The following ZNF107 variants were observed in gnomAD, a reference collection of about 807,000 sequenced individuals.
ZNF107 encodes the protein C2H2 type zinc-finger protein.
A neutral mutation model predicts 12.3 loss-of-function variants in ZNF107; 19 were observed. The observed-to-expected ratio is 1.55, with a 90% confidence interval of 1.08 to 2.27. The LOEUF (loss-of-function observed/expected upper bound fraction) is 2.27. Ranked by LOEUF, ZNF107 falls within the 30% of genes most tolerant of loss-of-function variation. ZNF107 has a pLI of 0.00. For synonymous variants in ZNF107, 317 were observed against 330.5 expected (o/e 0.96, Z 0.44); for missense variants, 958 against 979.9 (o/e 0.98, Z 0.30).
In ZNF107 at chr7:64,711,025, A is replaced by C. The variant is rs922132028; in HGVS notation, c.*2369A>C. On this transcript the variant is annotated 3_prime_UTR_variant, in exon 4 of 4. Coordinates refer to ENST00000620827, the MANE Select transcript of ZNF107 (RefSeq NM_001282359.2). ...TGTAATAAAATGCAATGTGTTTAAAAATTTTTGGATTATGCGTGAACTTAG... is the reference window on the plus strand; with the variant it reads ...TGTAATAAAATGCAATGTGTTTAAACATTTTTGGATTATGCGTGAACTTAG... 3 of 152,136 alleles carry C rather than the reference A, an allele frequency of 2.0e-5. No individual in the cohort carries two copies. The highest frequency in any genetic ancestry group is 2.9e-5 in the Non-Finnish European group (2 of 67,968). 9.4% of individuals were successfully genotyped at this position (152,136 alleles called of 1,614,324 possible).
chr7:64,675,696 A>G (rs1343734551), intron 1 of ZNF107, among the ~76,000 whole-genome samples: 4 of 152,076 alleles, frequency 2.6e-5, no homozygotes, highest in African/African-American at 9.7e-5. Flanking sequence ...TAGTTTGTTA[A>G]ATTGAGATCT....
At chr7:64,679,960 T>A (rs1317994823) in intron 1 of ZNF107, among the ~76,000 whole-genome samples, 1 of 152,130 alleles carries the variant, frequency 6.6e-6, no homozygotes, top group African/African-American at 2.4e-5. Flanking sequence ...TACCACCCTC[T>A]GGCGACAGCG....
Position 64,682,204 on chromosome 7 carries a change from C to T in ZNF107, c.4-9044C>T, listed in dbSNP as rs763553258. 2.9e-4 allele frequency among the ~76,000 whole-genome samples: 44 copies of T among 151,842 alleles called. 1 individual carries two copies. The highest frequency in any genetic ancestry group is 2.7e-3 in the Admixed American group (41 of 15,230). On this transcript the variant is annotated intron_variant, in intron 1 of 3. Coordinates refer to ENST00000620827, the MANE Select transcript of ZNF107 (RefSeq NM_001282359.2). The stretch of plus-strand genomic sequence containing the variant: ...TAGACTCTAAAGGGTACCGAATGTC[C>T]CCTTCTAAAGCTCAAATTTCTTCCC...
In ZNF107 at chr7:64,708,831, T is replaced by C; in HGVS notation, c.*175T>C. 1.4e-6 allele frequency: 1 copy of C among 704,680 alleles called. No individual in the cohort carries two copies. Among genetic ancestry groups the C allele is most frequent in the Non-Finnish European group, 2.3e-6 (1 of 430,708 alleles). The allele number at this position is 704,680 out of a possible 1,614,324, so 43.7% of individuals were successfully genotyped here. A position where few individuals can be genotyped will look rare whatever the true frequency, so the allele number is the denominator to read the frequency against. On this transcript the variant is annotated 3_prime_UTR_variant, in exon 4 of 4. Transcript: ENST00000620827. ...ATGTGGCACAGCTTTTAACTAATCT[T>C]CAAACCTTACTGAAAGTTGAGAAAA...
At chr7:64,684,191 C>T (rs1008152322) in intron 1 of ZNF107, among the ~76,000 whole-genome samples, 3 of 152,166 alleles carry the variant, frequency 2.0e-5, no homozygotes, top group Non-Finnish European at 2.9e-5. Context: ...GAGCCACCGC[C>T]CATGAACCTA....
chr7:64,673,368 C>T (rs1789306123), intron 1 of ZNF107, among the ~76,000 whole-genome samples: 1 of 152,176 alleles, frequency 6.6e-6, no homozygotes. Flanking sequence ...TACTTTTTAG[C>T]CACATGTATG....
intron 1 of ZNF107, among the ~76,000 whole-genome samples, chr7:64,668,831 AT>A (rs1025812952): frequency 5.9e-5 from 9 of 152,052 alleles, no homozygotes; most frequent in Non-Finnish European, 1.3e-4. Context: ...CCTCTCTTCC[AT>A]TTTGACTGTA....
At chr7:64,698,300 G>A (rs942054207) in intron 3 of ZNF107, among the ~76,000 whole-genome samples, 11 of 151,896 alleles carry the variant, frequency 7.2e-5, no homozygotes, top group South Asian at 2.1e-4. Flanking sequence ...TTGTATATTT[G>A]TAATATTAAC....
Position 64,708,242 on chromosome 7 carries a change from CTG to C in ZNF107, c.2146_2147del (p.Cys716LeufsTer5). ...QCAECGKAFN[C>X]SSTLNRHKII... ...GTGCAGAATGTGGCAAAGCCTTTAA[CTG>C]CTCCTCAACCCTTAATAGACATAAG... is the stretch of plus-strand genomic sequence containing the variant. On this transcript the variant is annotated frameshift_variant, in exon 4 of 4. Coordinates refer to ENST00000620827, the MANE Select transcript of ZNF107 (RefSeq NM_001282359.2). LOFTEE classifies it low-confidence loss of function (END_TRUNC). 1 of 1,613,570 alleles carries C rather than the reference CTG, an allele frequency of 6.2e-7. No homozygotes were observed. The highest frequency in any genetic ancestry group is 8.5e-7 in the Non-Finnish European group (1 of 1,179,756).
At position 64,707,415 on chromosome 7, in the gene ZNF107, C is replaced by T. The variant is rs770912619; in HGVS notation, c.1318C>T (p.Leu440Phe). ...CGKAFNQSSN[L>F]TEHKKIHTAE... is the part of the protein sequence containing the mutation. ...CAAAGCTTTTAACCAATCTTCAAAC[C>T]TTACTGAACATAAGAAAATTCATAC... is the stretch of plus-strand genomic sequence containing the variant. The change falls in exon 4 of 4, where the codon CTT becomes TTT. Residue 440 changes from leucine (L) to phenylalanine (F), a missense_variant. By Grantham distance (22) the Leu-to-Phe change is conservative (BLOSUM62 0). Transcript: ENST00000620827. 1.9e-6 allele frequency: 3 copies of T among 1,613,232 alleles called. No homozygotes were observed. In the Admixed American group the frequency reaches 5.0e-5, roughly 27 times the overall value.
At chr7:64,679,583 T>C (rs1789569726) in intron 1 of ZNF107, among the ~76,000 whole-genome samples, 1 of 152,154 alleles carries the variant, frequency 6.6e-6, no homozygotes, top group Admixed American at 6.5e-5. Context: ...GTCTCTCTGT[T>C]TCTTCAGTCC....
chr7:64,696,418 G>T (rs1203159922), intron 3 of ZNF107, among the ~76,000 whole-genome samples: 1 of 152,156 alleles, frequency 6.6e-6, no homozygotes, highest in Non-Finnish European at 1.5e-5. Context: ...GGGAGATTGA[G>T]AGAGGAGGAT....
intron 1 of ZNF107, among the ~76,000 whole-genome samples, chr7:64,671,669 C>T (rs921975565): frequency 1.3e-5 from 2 of 151,892 alleles, no homozygotes; most frequent in Non-Finnish European, 2.9e-5. Flanking sequence ...AGTACACATG[C>T]AGTTTGTTAT....
At chr7:64,669,646 G>C (rs1789146684) in intron 1 of ZNF107, among the ~76,000 whole-genome samples, 1 of 151,996 alleles carries the variant, frequency 6.6e-6, no homozygotes, top group African/African-American at 2.4e-5. Flanking sequence ...AATTAGCCAG[G>C]TGTGGGTGAC....
Position 64,707,868 on chromosome 7 carries a change from A to G in ZNF107, c.1771A>G (p.Lys591Glu). Residue 591 changes from lysine (K) to glutamate (E), a missense_variant, in exon 4 of 4, where the codon AAA (lysine) becomes GAA (glutamate). Transcript: ENST00000620827. ...ACATAAGATAGTTCATACTAAAGAG[A>G]AACTCAACAAATGTGAAGAATTTGG... The part of the protein sequence containing the change: ...TRHKIVHTKE[K>E]LNKCEEFGKA... The G allele has an allele frequency of 6.2e-7, 1 of 1,613,700 alleles. No homozygotes were observed. Among genetic ancestry groups the G allele is most frequent in the Non-Finnish European group, 8.5e-7 (1 of 1,179,778 alleles).
chr7:64,693,420 T>C (rs1206945371), intron 3 of ZNF107, among the ~76,000 whole-genome samples: 1 of 151,744 alleles, frequency 6.6e-6, no homozygotes, highest in Non-Finnish European at 1.5e-5. Flanking sequence ...TGTCTGTGAA[T>C]TTGAAAGAGC....
chr7:64,680,021 G>A (rs781695452), intron 1 of ZNF107, among the ~76,000 whole-genome samples: 4 of 151,814 alleles, frequency 2.6e-5, no homozygotes, highest in Admixed American at 6.6e-5. Flanking sequence ...CTGCCCGTCC[G>A]ACTCCGGTCC....
chr7:64,702,710 A>G (rs576070876), intron 3 of ZNF107, among the ~76,000 whole-genome samples: 79 of 152,144 alleles, frequency 5.2e-4, no homozygotes, highest in African/African-American at 1.5e-3. Flanking sequence ...GACATGTGCC[A>G]CTATACCCAG....
rs928386619 is a variant in ZNF107, at chr7:64,691,181, AT to A, written c.4-60del. The A allele has an allele frequency of 1.6e-5, 21 of 1,313,678 alleles. No individual in the cohort carries two copies. The South Asian group carries it at 1.8e-4, about 11-fold the overall frequency. 81.4% of individuals were successfully genotyped at this position (1,313,678 alleles called of 1,614,324 possible). Reference sequence around the variant, plus strand: ...ACCACAGTACCCGACTATCCTATACATTTTTTTAAAAATTCAATGACAGCTT... The same window carrying A: ...ACCACAGTACCCGACTATCCTATACATTTTTTAAAAATTCAATGACAGCTT... On this transcript the variant is annotated intron_variant, in intron 1 of 3. Coordinates refer to ENST00000620827, the MANE Select transcript of ZNF107 (RefSeq NM_001282359.2).
Sources: gnomAD v4.1 joint callset for allele counts (sites outside exome capture counted in the v4.1 genomes callset) on GRCh38, gnomAD v4.1.1 for gene constraint, MANE v1.5 for transcripts, NCBI Gene and HGNC (gene_info 2026-07-23, HGNC 2026-07-21) for gene names.